The following MSN variants were observed in gnomAD, a reference collection of about 807,000 sequenced individuals.
MSN encodes the protein epididymis luminal protein 70.
Under a neutral mutation model 48.0 loss-of-function variants are expected in MSN, and 2 were observed. The observed-to-expected ratio is 0.04, with a 90% CI of 0.02 to 0.13. The LOEUF is 0.13. MSN is among the 10% of genes least tolerant of loss of function. The probability of loss-of-function intolerance (pLI) is 1.00; values close to 1 mark genes in which losing one functional copy is unlikely to be tolerated. For synonymous variants in MSN, 146 were observed against 166.9 expected (o/e 0.87, Z 0.97); for missense variants, 267 against 470.1 (o/e 0.57, Z 3.99).
intron 2 of MSN, among the ~76,000 whole-genome samples, chrX:65,718,101 C>G (rs1407527740): frequency 9.1e-6 from 1 of 110,160 alleles, no homozygotes; most frequent in African/African-American, 3.3e-5. Flanking sequence ...AACATTTATC[C>G]AGGACTCAGT....
At chrX:65,695,275 T>C (rs2071222157) in intron 1 of MSN, among the ~76,000 whole-genome samples, 1 of 109,841 alleles carries the variant, frequency 9.1e-6, no homozygotes, top group African/African-American at 3.3e-5. Context: ...CTGAGGTGGG[T>C]GGATAACCTG....
In MSN at chrX:65,618,699, C is replaced by G. The variant is rs1289769405; in HGVS notation, c.-22+30087C>G. 3.6e-5 allele frequency among the ~76,000 whole-genome samples: 4 copies of G among 110,116 alleles called. No homozygotes were observed. The East Asian group carries it at 1.1e-3, about 31-fold the overall frequency. ...GTGTCTTTTAATTGGAGCATTTAGT[C>G]CATTTACATTTAAAGTTAATATTGT... On this transcript the variant is annotated intron_variant, in intron 1 of 3. Coordinates refer to the MSN transcript ENST00000609672.
intron 1 of MSN, among the ~76,000 whole-genome samples, chrX:65,604,291 G>A (rs186582573): frequency 5.7e-4 from 64 of 112,102 alleles, no homozygotes; most frequent in African/African-American, 2.0e-3. Flanking sequence ...TAGGGTTGTG[G>A]TGCACGTGGG....
chrX:65,721,022 G>A (rs1319898380), intron 2 of MSN, among the ~76,000 whole-genome samples: 3 of 112,044 alleles, frequency 2.7e-5, no homozygotes, highest in Non-Finnish European at 3.8e-5. Context: ...TGTGCTCAAG[G>A]ACAGAGGTGA....
intron 1 of MSN, 164 bp from the exon 2 acceptor site, chrX:65,716,654 G>A: frequency 2.1e-6 from 1 of 467,648 alleles, no homozygotes; most frequent in South Asian, 3.0e-5. Flanking sequence ...GGGAGCAGGG[G>A]TTGTGTTTGG....
At chrX:65,694,167 G>C (rs2071206151) in intron 1 of MSN, among the ~76,000 whole-genome samples, 1 of 111,014 alleles carries the variant, frequency 9.0e-6, no homozygotes, top group Non-Finnish European at 1.9e-5. Flanking sequence ...AGTATATCTA[G>C]GAGAGTACCT....
At chrX:65,625,314 G>T (rs908660327) in intron 1 of MSN, 4 of 111,790 alleles carry the variant, frequency 3.6e-5, no homozygotes, top group Non-Finnish European at 5.6e-5. Context: ...CTGGTTTATG[G>T]TGCTGTTCAA....
At chrX:65,665,906 G>A (rs1569459634), upstream of MSN, among the ~76,000 whole-genome samples, 1 of 112,173 alleles carries the variant, frequency 8.9e-6, no homozygotes, top group African/African-American at 3.2e-5. Context: ...CATCTGTGGT[G>A]CCTTACCTCA....
intron 1 of MSN, among the ~76,000 whole-genome samples, chrX:65,687,376 C>CA (rs1422511363): frequency 2.7e-5 from 3 of 110,814 alleles, no homozygotes; most frequent in Non-Finnish European, 5.7e-5. Context: ...AACAAACAAA[C>CA]AAAAAAATCC....
intron 1 of MSN, among the ~76,000 whole-genome samples, chrX:65,713,047 T>G (rs975342619): frequency 9.0e-6 from 1 of 111,405 alleles, no homozygotes; most frequent in Non-Finnish European, 1.9e-5. Context: ...TGATATTAAA[T>G]GAGGTAGTAC....
chrX:65,738,687 A>G, intron 11 of MSN, 70 bp downstream of exon 11: 1 of 1,008,906 alleles, frequency 9.9e-7, no homozygotes, highest in Non-Finnish European at 1.4e-6. Context: ...AGCTCCTTAG[A>G]TTCCTTATGT....
At chrX:65,616,892 A>G (rs1189493073) in intron 1 of MSN, among the ~76,000 whole-genome samples, 2 of 110,695 alleles carry the variant, frequency 1.8e-5, no homozygotes, top group East Asian at 2.8e-4. Context: ...TCAATACCTA[A>G]TTTATTGAGA....
chrX:65,623,144 G>C (rs2070467568), intron 1 of MSN, among the ~76,000 whole-genome samples: 1 of 110,027 alleles, frequency 9.1e-6, no homozygotes, highest in Non-Finnish European at 1.9e-5. Context: ...TATGTGACTA[G>C]ATTTGCTTTG....
At chrX:65,661,370 T>C (rs923230250) in intron 1 of MSN, among the ~76,000 whole-genome samples, 1 of 112,157 alleles carries the variant, frequency 8.9e-6, no homozygotes, top group South Asian at 3.7e-4. Flanking sequence ...ATTGAAATGA[T>C]CATACGATTT....
chrX:65,659,571 A>T (rs2070807120), intron 1 of MSN, among the ~76,000 whole-genome samples: 1 of 111,311 alleles, frequency 9.0e-6, no homozygotes, highest in South Asian at 3.7e-4. Flanking sequence ...TTCAAACTGG[A>T]CCCCAAGTCT....
chrX:65,694,694 C>A (rs1260109159), intron 1 of MSN, among the ~76,000 whole-genome samples: 1 of 112,009 alleles, frequency 8.9e-6, no homozygotes, highest in Non-Finnish European at 1.9e-5. Flanking sequence ...CAATGACTGG[C>A]CTAGTTTGTG....
chrX:65,671,140 A>G lies in MSN; in HGVS notation c.12+3287A>G, dbSNP rs755581115. On this transcript the variant is annotated intron_variant, in intron 1 of 12. Transcript: ENST00000360270. The stretch of plus-strand genomic sequence containing the variant: ...TATTGAAAAGGCTCTCCACAACTAT[A>G]AAGTCCAATTCCTCTCATTGTATAG... Among the ~76,000 whole-genome samples the G allele has an allele frequency of 2.8e-5, 3 of 107,198 alleles. No homozygotes were observed. In the East Asian group the frequency reaches 8.9e-4, roughly 32 times the overall value. The allele number at this position is 107,198 out of a possible 115,157, so 93.1% of individuals were successfully genotyped here.
chrX:65,669,493 G>A (rs901683577), intron 1 of MSN, among the ~76,000 whole-genome samples: 6 of 111,698 alleles, frequency 5.4e-5, no homozygotes, highest in African/African-American at 1.6e-4. Flanking sequence ...TGCATTAACC[G>A]TCTCATCTGA....
chrX:65,699,294 C>G (rs926230321), intron 1 of MSN, among the ~76,000 whole-genome samples: 2 of 111,787 alleles, frequency 1.8e-5, no homozygotes, highest in Non-Finnish European at 3.8e-5. Flanking sequence ...CTCTGAACCA[C>G]CATTCATGGC....
Sources: gnomAD v4.1 joint callset for allele counts (sites outside exome capture counted in the v4.1 genomes callset) on GRCh38, gnomAD v4.1.1 for gene constraint, MANE v1.5 for transcripts, NCBI Gene and HGNC (gene_info 2026-07-23, HGNC 2026-07-21) for gene names.